The following AUTS2 variants were observed in gnomAD, a reference collection of about 807,000 sequenced individuals.
The protein encoded by AUTS2 is autism susceptibility gene 2 protein.
Under a neutral mutation model 112.4 loss-of-function variants are expected in AUTS2, and 17 were observed. The observed-to-expected ratio is 0.15, with a 90% confidence interval of 0.10 to 0.23. AUTS2 has a LOEUF of 0.23. Ranked by LOEUF, AUTS2 falls within the 10% of genes least tolerant of loss-of-function variation. The pLI is 1.00. For missense variants in AUTS2, 1,510 were observed against 1,701.6 expected (o/e 0.89, Z 1.98); for synonymous variants, 751 against 702.7 (o/e 1.07, Z -1.09).
chr7:70,457,558 G>A (rs1298809271), intron 5 of AUTS2, among the ~76,000 whole-genome samples: 2 of 152,150 alleles, frequency 1.3e-5, no homozygotes, highest in South Asian at 2.1e-4. Flanking sequence ...ACTAAAGTAC[G>A]GTGGAAAGAC....
chr7:69,611,701 C>T (rs960536988), intron 1 of AUTS2, among the ~76,000 whole-genome samples: 3 of 151,628 alleles, frequency 2.0e-5, no homozygotes, highest in African/African-American at 7.3e-5. Context: ...GAGGCCGAGG[C>T]GGGTGGATCA....
At chr7:69,974,714 CT>C (rs1797988277) in intron 2 of AUTS2, among the ~76,000 whole-genome samples, 1 of 152,138 alleles carries the variant, frequency 6.6e-6, no homozygotes, top group African/African-American at 2.4e-5. Context: ...AGGGCATCTT[CT>C]TTAATAAGTC....
chr7:69,695,758 T>G (rs576034441), intron 1 of AUTS2, among the ~76,000 whole-genome samples: 1 of 152,324 alleles, frequency 6.6e-6, no homozygotes, highest in Non-Finnish European at 1.5e-5. Context: ...CTCCCACAAC[T>G]GCAGGAATAA....
chr7:69,599,596 T>A lies in AUTS2; in HGVS notation c.-58T>A. The A allele has an allele frequency of 8.0e-7, 1 of 1,243,884 alleles. No individual in the cohort carries two copies. 77.1% of individuals were successfully genotyped at this position (1,243,884 alleles called of 1,614,324 possible). A position where few individuals can be genotyped will look rare whatever the true frequency, so the allele number is the denominator to read the frequency against. Reference sequence around the variant, plus strand: ...AGGGCTCGGTGTCAATTTTTTTTTGTGTGGCTGCGGCCGTAGCCTGTGGCG... The same window carrying A: ...AGGGCTCGGTGTCAATTTTTTTTTGAGTGGCTGCGGCCGTAGCCTGTGGCG... On this transcript the variant is annotated 5_prime_UTR_variant, in exon 1 of 19. Coordinates refer to ENST00000342771, the MANE Select transcript of AUTS2 (RefSeq NM_015570.4). This position sits in a 1 kb window ranked among gnomAD's most constrained non-coding sequence, Gnocchi z 7.0.
chr7:69,964,372 A>G (rs1797550390), intron 2 of AUTS2, among the ~76,000 whole-genome samples: 2 of 152,180 alleles, frequency 1.3e-5, no homozygotes, highest in Admixed American at 1.3e-4. Context: ...TGTGCTACCC[A>G]TTTGCGTGCA....
intron 4 of AUTS2, among the ~76,000 whole-genome samples, chr7:70,248,349 C>T (rs779618699): frequency 6.6e-6 from 1 of 152,164 alleles, no homozygotes; most frequent in Non-Finnish European, 1.5e-5. Flanking sequence ...GCCTCAAACT[C>T]CTGACCTCAA....
At chr7:70,460,180 T>A (rs1005390707) in intron 5 of AUTS2, among the ~76,000 whole-genome samples, 1 of 152,030 alleles carries the variant, frequency 6.6e-6, no homozygotes, top group African/African-American at 2.4e-5. Flanking sequence ...TTGCTGCATC[T>A]TCTCTCTGAT....
At chr7:70,086,546 C>T (rs954127134) in intron 2 of AUTS2, among the ~76,000 whole-genome samples, 16 of 146,818 alleles carry the variant, frequency 1.1e-4, no homozygotes, top group South Asian at 2.1e-4. Context: ...GAGGCTGAGA[C>T]GGGAGAATTG....
In AUTS2 at chr7:69,749,930, A is replaced by G. The variant is rs1283602332; in HGVS notation, c.310-149356A>G. ...GAACCGCAGGAAAAGAAAAGGCCAC[A>G]TTTGATTCTTTGAATTGGGCTGTAG... On this transcript the variant is annotated intron_variant, in intron 1 of 18. Coordinates refer to ENST00000342771, the MANE Select transcript of AUTS2 (RefSeq NM_015570.4). 2.0e-5 allele frequency among the ~76,000 whole-genome samples: 3 copies of G among 152,182 alleles called. No homozygotes were observed. In the East Asian group the frequency reaches 5.8e-4, roughly 29 times the overall value.
intron 1 of AUTS2, among the ~76,000 whole-genome samples, chr7:69,843,247 G>T (rs1387998539): frequency 6.6e-6 from 1 of 152,148 alleles, no homozygotes; most frequent in Non-Finnish European, 1.5e-5. Flanking sequence ...ATGAATTAAA[G>T]AAGTGTTACA....
At chr7:70,358,115 T>C (rs1370488147) in intron 4 of AUTS2, among the ~76,000 whole-genome samples, 1 of 152,210 alleles carries the variant, frequency 6.6e-6, no homozygotes, top group Non-Finnish European at 1.5e-5. Context: ...CATCTGTTGA[T>C]TTCTTTCTGT....
intron 4 of AUTS2, chr7:70,293,780 G>T (rs1343595711): frequency 4.6e-5 from 7 of 152,138 alleles, no homozygotes; most frequent in African/African-American, 1.7e-4. Flanking sequence ...TGAAAATTTG[G>T]TACATTAGTT....
At chr7:70,075,133 GCTCC>G (rs1802964871) in intron 2 of AUTS2, among the ~76,000 whole-genome samples, 1 of 152,146 alleles carries the variant, frequency 6.6e-6, no homozygotes, top group African/African-American at 2.4e-5. Context: ...AGAGGAGCTG[GCTCC>G]ATCCAGAACA....
chr7:70,204,348 A>C (rs1810460096), intron 4 of AUTS2, among the ~76,000 whole-genome samples: 2 of 152,246 alleles, frequency 1.3e-5, no homozygotes, highest in African/African-American at 4.8e-5. Flanking sequence ...GGATGTAGAA[A>C]CATGGTCTTT....
At chr7:70,627,217 AGAT>A (rs1223720196) in intron 5 of AUTS2, among the ~76,000 whole-genome samples, 1 of 152,170 alleles carries the variant, frequency 6.6e-6, no homozygotes, top group African/African-American at 2.4e-5. Context: ...GACTGGTGTG[AGAT>A]GATAGCGTAT....
At chr7:70,148,126 A>G (rs1807233041) in intron 4 of AUTS2, among the ~76,000 whole-genome samples, 1 of 152,078 alleles carries the variant, frequency 6.6e-6, no homozygotes, top group South Asian at 2.1e-4. Context: ...AGGACATTCC[A>G]GACAAGATCT....
At position 69,674,524 on chromosome 7, in the gene AUTS2, A is replaced by G. The variant is rs528651496; in HGVS notation, c.309+74562A>G. The stretch of plus-strand genomic sequence containing the variant: ...TTTAGAGCAGTGCCTGAGACATTGT[A>G]AACACTTAATATATGTTGGTTGTTA... On this transcript the variant is annotated intron_variant, in intron 1 of 18. Transcript: ENST00000342771. 1.6e-3 allele frequency among the ~76,000 whole-genome samples: 145 copies of G among 90,458 alleles called. 1 individual carries two copies. The highest frequency in any genetic ancestry group is 5.0e-3 in the African/African-American group (142 of 28,312). The allele number at this position is 90,458 out of a possible 152,430, so 59.3% of individuals were successfully genotyped here.
chr7:70,423,305 C>A (rs925657296), intron 4 of AUTS2, among the ~76,000 whole-genome samples: 1 of 152,176 alleles, frequency 6.6e-6, no homozygotes, highest in African/African-American at 2.4e-5. Flanking sequence ...GTCCTTAAAT[C>A]AATCTTGAAT....
At chr7:70,385,861 G>T (rs1793583921) in intron 4 of AUTS2, among the ~76,000 whole-genome samples, 1 of 152,174 alleles carries the variant, frequency 6.6e-6, no homozygotes, top group South Asian at 2.1e-4. Flanking sequence ...GATATGGGCT[G>T]TATCACACCG....
Sources: allele counts gnomAD v4.1 joint callset (sites outside exome capture counted in the v4.1 genomes callset), GRCh38; gene constraint gnomAD v4.1.1; non-coding constraint Gnocchi (gnomAD v3.1); transcripts MANE v1.5; gene names NCBI Gene and HGNC (gene_info 2026-07-23, HGNC 2026-07-21).